ADAM23: variants seen among roughly 807,000 people sequenced by gnomAD.
The protein encoded by ADAM23 is disintegrin and metalloproteinase domain-containing protein 23.
Under a neutral mutation model 120.1 loss-of-function variants are expected in ADAM23, and 33 were observed. That is an observed-to-expected ratio of 0.27 (90% CI 0.21 to 0.37). The LOEUF is 0.37. ADAM23 is among the 10% of genes least tolerant of loss of function. ADAM23 has a pLI of 1.00. For synonymous variants in ADAM23, 367 were observed against 375.2 expected (o/e 0.98, Z 0.25); for missense variants, 862 against 1,058.2 (o/e 0.81, Z 2.57).
chr2:206,506,806 G>T (rs541298672), intron 3 of ADAM23, among the ~76,000 whole-genome samples: 3 of 152,156 alleles, frequency 2.0e-5, no homozygotes, highest in African/African-American at 7.2e-5. Context: ...CTTTAAGCAG[G>T]TGTGTAGTCA....
In ADAM23 at chr2:206,600,204, G is replaced by GAA. The variant is rs567063412; in HGVS notation, c.2359+4049_2359+4050dup. Reference sequence around the variant, plus strand: ...GCAACAGAGTGAGACACTGTCTCAGGAAAAAAAACCAAAAACTGCATGTTG... The same window carrying GAA: ...GCAACAGAGTGAGACACTGTCTCAGGAAAAAAAAAACCAAAAACTGCATGTTG... On this transcript the variant is annotated intron_variant, in intron 24 of 25. Transcript: ENST00000264377. 2.7e-3 allele frequency among the ~76,000 whole-genome samples: 404 copies of GAA among 151,624 alleles called. 2 individuals carry two copies. Among genetic ancestry groups the GAA allele is most frequent in the Non-Finnish European group, 4.9e-3 (332 of 67,878 alleles).
At chr2:206,466,050 A>G (rs1487376451) in intron 2 of ADAM23, among the ~76,000 whole-genome samples, 1 of 152,230 alleles carries the variant, frequency 6.6e-6, no homozygotes, top group Non-Finnish European at 1.5e-5. Flanking sequence ...TCCTAAAATG[A>G]GATATTGTAT....
intron 2 of ADAM23, among the ~76,000 whole-genome samples, chr2:206,463,253 A>G (rs1695463306): frequency 6.6e-6 from 1 of 152,178 alleles, no homozygotes. Flanking sequence ...GGGTGGGCCC[A>G]GTGTAATCAC....
chr2:206,510,218 TAATA>T (rs1228572379), intron 3 of ADAM23, among the ~76,000 whole-genome samples: 2 of 152,204 alleles, frequency 1.3e-5, no homozygotes, highest in South Asian at 2.1e-4. Flanking sequence ...TTTTGGGGCT[TAATA>T]AATATTAAAT....
chr2:206,581,765 T>C (rs148161363), intron 18 of ADAM23, among the ~76,000 whole-genome samples: 544 of 152,308 alleles, frequency 3.6e-3, no homozygotes, highest in Non-Finnish European at 6.2e-3. Context: ...TGTAAATCCA[T>C]TGTTTCTTTG....
rs1304793079 is a variant in ADAM23, at chr2:206,443,875, G to T, written c.9G>T (p.Pro3=). 4 of 1,144,798 alleles carry T rather than the reference G, an allele frequency of 3.5e-6. No homozygotes were observed. The highest frequency in any genetic ancestry group is 3.2e-6 in the Non-Finnish European group (3 of 934,862). 70.9% of individuals were successfully genotyped at this position (1,144,798 alleles called of 1,614,324 possible). A position where few individuals can be genotyped will look rare whatever the true frequency, so the allele number is the denominator to read the frequency against. Residue 3 remains proline, a synonymous_variant, in exon 1 of 26, where the codon CCG becomes CCT. Coordinates refer to ENST00000264377, the MANE Select transcript of ADAM23 (RefSeq NM_003812.4). ...CCCGGGAGCTATGAGCCATGAAGCC[G>T]CCCGGCAGCAGCTCGCGGCAGCCGC... MK[P]PGSSSRQPPL... is the part of the protein sequence containing the mutation.
At chr2:206,542,762 A>G (rs1166388573) in intron 5 of ADAM23, among the ~76,000 whole-genome samples, 2 of 152,192 alleles carry the variant, frequency 1.3e-5, no homozygotes, top group Non-Finnish European at 2.9e-5. Context: ...ATACTGCTTG[A>G]TGGCAGTTCA....
At chr2:206,579,391 A>T (rs1300693842) in intron 18 of ADAM23, among the ~76,000 whole-genome samples, 1 of 152,154 alleles carries the variant, frequency 6.6e-6, no homozygotes, top group Non-Finnish European at 1.5e-5. Flanking sequence ...TCCTTAATCC[A>T]TCTTGAGTTG....
intron 3 of ADAM23, among the ~76,000 whole-genome samples, chr2:206,503,221 T>C (rs1696427437): frequency 6.6e-6 from 1 of 152,170 alleles, no homozygotes; most frequent in Non-Finnish European, 1.5e-5. Context: ...CACTAGAGTG[T>C]TCAAATCTCA....
At chr2:206,565,178 A>T (rs1332094168) in intron 14 of ADAM23, 110 bp downstream of exon 14, 2 of 838,908 alleles carry the variant, frequency 2.4e-6, no homozygotes, top group Non-Finnish European at 3.8e-6. Context: ...GCACAATATA[A>T]AATGAATAAT....
chr2:206,548,503 T>C, intron 8 of ADAM23, 149 bp downstream of exon 8: 1 of 704,366 alleles, frequency 1.4e-6, no homozygotes, highest in Admixed American at 2.9e-5. Flanking sequence ...AACCCTATGA[T>C]TTGAGCCTTA....
chr2:206,587,231 T>C (rs1574550841), intron 18 of ADAM23, 94 bp from the exon 19 acceptor site: 2 of 838,030 alleles, frequency 2.4e-6, no homozygotes, highest in East Asian at 5.2e-5. Flanking sequence ...TTTCTAGTTA[T>C]ATATATCCAC....
intron 2 of ADAM23, among the ~76,000 whole-genome samples, chr2:206,465,925 T>C (rs1233675009): frequency 6.6e-6 from 1 of 152,208 alleles, no homozygotes. Flanking sequence ...TTGAGAAACC[T>C]ACATTATTTA....
chr2:206,493,154 C>T (rs537666356), intron 3 of ADAM23, among the ~76,000 whole-genome samples: 77 of 152,134 alleles, frequency 5.1e-4, no homozygotes, highest in Non-Finnish European at 7.9e-4. Flanking sequence ...GATTCATACA[C>T]TAGAATCTCA....
intron 6 of ADAM23, among the ~76,000 whole-genome samples, chr2:206,546,831 C>T (rs1371779293): frequency 1.3e-5 from 2 of 152,016 alleles, no homozygotes; most frequent in Non-Finnish European, 2.9e-5. Flanking sequence ...ACATACTATG[C>T]ACTCAGTAAT....
intron 25 of ADAM23, among the ~76,000 whole-genome samples, chr2:206,615,676 A>G (rs1445581696): frequency 6.6e-6 from 1 of 152,168 alleles, no homozygotes; most frequent in African/African-American, 2.4e-5. Flanking sequence ...ATCCAGAAAG[A>G]TACAGTTCTG....
chr2:206,551,237 G>A (rs1452132201), intron 9 of ADAM23, among the ~76,000 whole-genome samples: 1 of 152,004 alleles, frequency 6.6e-6, no homozygotes, highest in Non-Finnish European at 1.5e-5. Context: ...TGCCACCATA[G>A]CTGATTTCAA....
intron 2 of ADAM23, among the ~76,000 whole-genome samples, chr2:206,463,260 T>A (rs1232397624): frequency 6.6e-6 from 1 of 152,090 alleles, no homozygotes; most frequent in African/African-American, 2.4e-5. Flanking sequence ...CCCAGTGTAA[T>A]CACAAGGGCC....
chr2:206,446,440 A>C (rs1034872070), intron 2 of ADAM23, among the ~76,000 whole-genome samples: 2 of 152,196 alleles, frequency 1.3e-5, no homozygotes, highest in African/African-American at 4.8e-5. Flanking sequence ...ACAGTTAGCA[A>C]TTAACTGTCT....
Sources: allele counts gnomAD v4.1 joint callset (sites outside exome capture counted in the v4.1 genomes callset), GRCh38; gene constraint gnomAD v4.1.1; transcripts MANE v1.5; gene names NCBI Gene and HGNC (gene_info 2026-07-23, HGNC 2026-07-21).